The following OCA2 variants were observed in gnomAD, a reference collection of about 807,000 sequenced individuals.
OCA2 encodes the protein P protein.
OCA2 carries 77 observed loss-of-function variants against 100.2 expected under a neutral mutation model. That is an observed-to-expected ratio of 0.77 (90% CI 0.64 to 0.93). OCA2 has a LOEUF of 0.93. OCA2 is among the 40% of genes least tolerant of loss of function. The probability of loss-of-function intolerance (pLI) is 0.00; values close to 1 mark genes in which losing one functional copy is unlikely to be tolerated. For missense variants in OCA2, 1,062 were observed against 1,089.1 expected (o/e 0.98, Z 0.35); for synonymous variants, 432 against 439.2 (o/e 0.98, Z 0.21).
At chr15:28,025,246 C>T (rs2042714808) in intron 4 of OCA2, among the ~76,000 whole-genome samples, 1 of 152,136 alleles carries the variant, frequency 6.6e-6, no homozygotes, top group South Asian at 2.1e-4. Context: ...TATCTTGTCT[C>T]TCTGATTCAT....
chr15:28,025,373 C>A (rs1482054715), intron 4 of OCA2, among the ~76,000 whole-genome samples: 1 of 152,184 alleles, frequency 6.6e-6, no homozygotes, highest in Non-Finnish European at 1.5e-5. Flanking sequence ...GTTGTACCAG[C>A]AGTCTGTTAA....
At chr15:28,080,104 G>C (rs2044571536) in intron 2 of OCA2, among the ~76,000 whole-genome samples, 1 of 152,194 alleles carries the variant, frequency 6.6e-6, no homozygotes, top group Non-Finnish European at 1.5e-5. Flanking sequence ...GGACAATCCT[G>C]CTGCCTCATC....
the OCA2 span, among the ~76,000 whole-genome samples, chr15:27,737,000 G>A: frequency 0.54 from 81,744 of 152,052 alleles, 22,812 homozygotes; most frequent in African/African-American, 0.6. Context: ...AAGTTAGTTT[G>A]TAGACAGAGG....
At chr15:27,812,370 A>G (rs566971513) in intron 23 of OCA2, among the ~76,000 whole-genome samples, 190 of 152,326 alleles carry the variant, frequency 1.2e-3, no homozygotes, top group African/African-American at 4.4e-3. Context: ...GGGGACTGGC[A>G]TCCCTGACAG....
intron 23 of OCA2, among the ~76,000 whole-genome samples, chr15:27,824,946 T>C (rs1420834005): frequency 6.6e-6 from 1 of 152,042 alleles, no homozygotes; most frequent in Non-Finnish European, 1.5e-5. Flanking sequence ...AAAATCTCCA[T>C]CTGCCAAGAT....
At chr15:28,066,648 C>A (rs539599054) in intron 2 of OCA2, among the ~76,000 whole-genome samples, 1 of 152,110 alleles carries the variant, frequency 6.6e-6, no homozygotes, top group African/African-American at 2.4e-5. Context: ...TTTTTAATGG[C>A]CCTACAAAGC....
chr15:27,897,401 T>G (rs2037750392), intron 19 of OCA2, among the ~76,000 whole-genome samples: 1 of 152,016 alleles, frequency 6.6e-6, no homozygotes, highest in South Asian at 2.1e-4. Flanking sequence ...GCCCAGGGAC[T>G]TGGTGCCCTG....
At chr15:27,777,071 C>T (rs2032278804) in intron 23 of OCA2, among the ~76,000 whole-genome samples, 1 of 152,004 alleles carries the variant, frequency 6.6e-6, no homozygotes, top group African/African-American at 2.4e-5. Context: ...CCATCGGCGC[C>T]CAGCCTTTCT....
chr15:27,903,977 G>C (rs2038068293), intron 19 of OCA2, among the ~76,000 whole-genome samples: 1 of 152,040 alleles, frequency 6.6e-6, no homozygotes, highest in African/African-American at 2.4e-5. Flanking sequence ...TTTAATGAGG[G>C]GATTTTTAAA....
chr15:27,944,258 A>G (rs2039755799), intron 18 of OCA2, among the ~76,000 whole-genome samples: 1 of 152,208 alleles, frequency 6.6e-6, no homozygotes, highest in Admixed American at 6.5e-5. Context: ...GATCTGATCT[A>G]TCCAATCCCC....
At chr15:27,902,209 TG>T (rs11327939) in intron 19 of OCA2, among the ~76,000 whole-genome samples, 5,113 of 79,168 alleles carry the variant, frequency 0.065, 281 homozygotes, top group African/African-American at 0.19. Flanking sequence ...AAAAAGTTGT[TG>T]TTGTTGTTGT....
At chr15:27,781,572 A>C (rs2032540629) in intron 23 of OCA2, among the ~76,000 whole-genome samples, 1 of 152,204 alleles carries the variant, frequency 6.6e-6, no homozygotes, top group Non-Finnish European at 1.5e-5. Flanking sequence ...CAAGATCCTT[A>C]AATCTTTTTA....
At chr15:28,067,369 CTT>C (rs573003244) in intron 2 of OCA2, among the ~76,000 whole-genome samples, 1,400 of 138,412 alleles carry the variant, frequency 0.01, 20 homozygotes, top group African/African-American at 0.047. Context: ...TTATTAAGTT[CTT>C]CTCTAATTAT....
At chr15:27,793,995 TGGGGAGATG>T (rs2033209284) in intron 23 of OCA2, among the ~76,000 whole-genome samples, 1 of 152,120 alleles carries the variant, frequency 6.6e-6, no homozygotes. Flanking sequence ...CACTGGGGGC[TGGGGAGATG>T]TCAGGGTTCT....
intron 22 of OCA2, among the ~76,000 whole-genome samples, chr15:27,850,815 A>G (rs1048136398): frequency 1.3e-5 from 2 of 152,152 alleles, no homozygotes; most frequent in Non-Finnish European, 2.9e-5. Flanking sequence ...CAGGCTTCTT[A>G]GCTGTGAGAA....
rs1299274596 is a variant in OCA2, at chr15:27,966,787, G to C, written c.1539C>G (p.Phe513Leu). The change falls in exon 15 of 24, where the codon TTC becomes TTG. Residue 513 changes from phenylalanine to leucine, a missense_variant. Transcript: ENST00000354638. ...CCAGGAGAACAAGGCAAATCCCAAT[G>C]AACATGTGTGCAGTGAATCCGGCAA... is the stretch of plus-strand genomic sequence containing the variant. Reference protein sequence around the residue: ...LDFAGFTAHMFIGICLVLLVC... With the variant: ...LDFAGFTAHMLIGICLVLLVC... 1.9e-6 allele frequency: 3 copies of C among 1,613,054 alleles called. No homozygotes were observed. In the Admixed American group the frequency reaches 5.0e-5, roughly 27 times the overall value.
chr15:28,024,480 C>T lies in OCA2; in HGVS notation c.573+365G>A, dbSNP rs547176665. ...GTGCTGAGACACTCTGGGCTATCCA[C>T]GATCTCCAGATGTGTTCCAACACAC... is the stretch of plus-strand genomic sequence containing the variant. On this transcript the variant is annotated intron_variant, in intron 5 of 23. Transcript: ENST00000354638. Among the ~76,000 whole-genome samples, 5 of 152,344 alleles carry T rather than the reference C, an allele frequency of 3.3e-5. 1 individual carries two copies. In the South Asian group the frequency reaches 8.3e-4, roughly 25 times the overall value.
At chr15:27,793,983 G>A (rs1423006441) in intron 23 of OCA2, among the ~76,000 whole-genome samples, 1 of 152,192 alleles carries the variant, frequency 6.6e-6, no homozygotes, top group Non-Finnish European at 1.5e-5. Context: ...GGGACTGTGT[G>A]TCACTGGGGG....
chr15:27,964,155 T>C lies in OCA2; in HGVS notation c.1636+2535A>G, dbSNP rs79166530. ...ACATCCAGGCCTATAAATGTCCAAATAAACATTTAAGAAAAAAGTAATAGC... is the reference window on the plus strand; with the variant it reads ...ACATCCAGGCCTATAAATGTCCAAACAAACATTTAAGAAAAAAGTAATAGC... On this transcript the variant is annotated intron_variant, in intron 15 of 23. Coordinates refer to ENST00000354638, the MANE Select transcript of OCA2 (RefSeq NM_000275.3). 2.7e-4 allele frequency among the ~76,000 whole-genome samples: 41 copies of C among 152,218 alleles called. No individual in the cohort carries two copies. In the East Asian group the frequency reaches 5.8e-3, roughly 21 times the overall value.
Sources: gnomAD v4.1 joint callset for allele counts (sites outside exome capture counted in the v4.1 genomes callset) on GRCh38, gnomAD v4.1.1 for gene constraint, MANE v1.5 for transcripts, NCBI Gene and HGNC (gene_info 2026-07-23, HGNC 2026-07-21) for gene names.